Variants in SCFD2 observed in about 807,000 individuals in gnomAD.
SCFD2 encodes sec1 family domain containing 2.
In SCFD2, 54 loss-of-function variants were observed where a neutral mutation model predicts 58.9. The observed-to-expected ratio is 0.92, with a 90% CI of 0.74 to 1.15. SCFD2 has a LOEUF of 1.15. Ranked by LOEUF, SCFD2 falls within the 50% of genes most tolerant of loss-of-function variation. SCFD2 has a pLI of 0.00. For synonymous variants in SCFD2, 321 were observed against 335.9 expected (o/e 0.96, Z 0.49); for missense variants, 805 against 836.6 (o/e 0.96, Z 0.47).
chr4:53,057,335 A>G (rs1723373292), intron 5 of SCFD2, among the ~76,000 whole-genome samples: 1 of 152,230 alleles, frequency 6.6e-6, no homozygotes, highest in African/African-American at 2.4e-5. Context: ...AGCCATAAAA[A>G]GGAATGAGAT....
intron 5 of SCFD2, among the ~76,000 whole-genome samples, chr4:52,948,068 G>A (rs1470427734): frequency 6.6e-6 from 1 of 150,952 alleles, no homozygotes; most frequent in African/African-American, 2.4e-5. Flanking sequence ...TCAGGGAAGA[G>A]AGAATGACAC....
chr4:53,286,878 T>C lies in SCFD2; in HGVS notation c.1136-12877A>G, dbSNP rs551925358. ...ACTGCACTTGGCCTCACAGAGCCGA[T>C]GTCACTACCATGTCCCAGCATCCCA... On this transcript the variant is annotated intron_variant, in intron 3 of 8. Transcript: ENST00000401642. 2.6e-4 allele frequency among the ~76,000 whole-genome samples: 40 copies of C among 152,208 alleles called. 3 individuals carry two copies. In the South Asian group the frequency reaches 7.9e-3, roughly 30 times the overall value.
At chr4:52,901,364 C>T (rs1428916560) in intron 7 of SCFD2, among the ~76,000 whole-genome samples, 2 of 152,140 alleles carry the variant, frequency 1.3e-5, no homozygotes, top group African/African-American at 2.4e-5. Flanking sequence ...TTTTTGATGG[C>T]CCTGACAAAT....
intron 3 of SCFD2, among the ~76,000 whole-genome samples, chr4:53,285,116 G>A (rs1403603003): frequency 2.0e-5 from 3 of 152,146 alleles, no homozygotes; most frequent in Non-Finnish European, 1.5e-5. Context: ...TGCAGGATCC[G>A]GAGTCATGAA....
chr4:53,306,528 C>T (rs1577953861), intron 3 of SCFD2, among the ~76,000 whole-genome samples: 2 of 152,308 alleles, frequency 1.3e-5, no homozygotes, highest in East Asian at 3.9e-4. Context: ...ATTTCTGCCT[C>T]TTTCTATTGA....
rs543432018 is a variant in SCFD2 at position 53,343,168 on chromosome 4, G to C, written c.1007+9430C>G. ...CCCATCAAAAAAATCAACGAATCCAGGAGCTGGTTTTCTGAAAAGATCAAC... is the reference window on the plus strand; with the variant it reads ...CCCATCAAAAAAATCAACGAATCCACGAGCTGGTTTTCTGAAAAGATCAAC... On this transcript the variant is annotated intron_variant, in intron 2 of 8. Coordinates refer to ENST00000401642, the MANE Select transcript of SCFD2 (RefSeq NM_152540.4). Among the ~76,000 whole-genome samples the C allele has an allele frequency of 2.6e-4, 39 of 152,220 alleles. No individual in the cohort carries two copies. In the East Asian group the frequency reaches 7.3e-3, roughly 29 times the overall value.
At chr4:53,211,005 G>A (rs1488604387) in intron 4 of SCFD2, among the ~76,000 whole-genome samples, 3 of 151,970 alleles carry the variant, frequency 2.0e-5, no homozygotes, top group Admixed American at 2.0e-4. Context: ...AGCACTTTGG[G>A]AGGCTGAGTC....
intron 2 of SCFD2, among the ~76,000 whole-genome samples, chr4:53,346,080 C>T (rs1734049326): frequency 1.3e-5 from 2 of 151,560 alleles, no homozygotes; most frequent in African/African-American, 4.9e-5. Flanking sequence ...GCACGTGTAC[C>T]CTAGAACTCG....
intron 4 of SCFD2, among the ~76,000 whole-genome samples, chr4:53,158,394 A>G (rs1281736977): frequency 1.3e-5 from 2 of 152,154 alleles, no homozygotes; most frequent in Non-Finnish European, 2.9e-5. Context: ...AATTTGATTC[A>G]ATGTGTCTAA....
At chr4:53,188,296 C>T (rs1727793739) in intron 4 of SCFD2, among the ~76,000 whole-genome samples, 2 of 152,110 alleles carry the variant, frequency 1.3e-5, no homozygotes, top group South Asian at 4.1e-4. Context: ...TAACTCATTG[C>T]TTTCTGCAAA....
At chr4:52,941,243 C>T (rs1720285488) in intron 5 of SCFD2, among the ~76,000 whole-genome samples, 1 of 152,178 alleles carries the variant, frequency 6.6e-6, no homozygotes, top group Non-Finnish European at 1.5e-5. Context: ...GTGAACAAGA[C>T]AACATACATA....
intron 5 of SCFD2, among the ~76,000 whole-genome samples, chr4:52,937,564 G>A (rs1416073269): frequency 1.3e-5 from 2 of 152,148 alleles, no homozygotes; most frequent in Non-Finnish European, 2.9e-5. Flanking sequence ...CCGACAGTAA[G>A]AACATGATGA....
chr4:53,126,216 C>A (rs1560347077), intron 5 of SCFD2, among the ~76,000 whole-genome samples: 1 of 152,192 alleles, frequency 6.6e-6, no homozygotes, highest in Non-Finnish European at 1.5e-5. Flanking sequence ...ACCTTAGATG[C>A]ACAGTTGTTC....
intron 2 of SCFD2, among the ~76,000 whole-genome samples, chr4:53,320,706 T>C (rs989747476): frequency 2.6e-5 from 4 of 152,214 alleles, no homozygotes; most frequent in Admixed American, 2.6e-4. Context: ...TTTCCAAAGG[T>C]CAGCAAAAGA....
chr4:53,158,558 T>C (rs1560362462), intron 4 of SCFD2, among the ~76,000 whole-genome samples: 1 of 152,072 alleles, frequency 6.6e-6, no homozygotes, highest in African/African-American at 2.4e-5. Context: ...CAGCCAAGTC[T>C]TGATGATTTT....
At chr4:53,100,496 C>A (rs1374045597) in intron 5 of SCFD2, among the ~76,000 whole-genome samples, 2 of 152,124 alleles carry the variant, frequency 1.3e-5, no homozygotes, top group African/African-American at 2.4e-5. Context: ...CCATAAGAAC[C>A]ACTTCCTATC....
At chr4:53,245,431 T>C (rs947114175) in intron 4 of SCFD2, among the ~76,000 whole-genome samples, 3 of 152,268 alleles carry the variant, frequency 2.0e-5, no homozygotes, top group African/African-American at 7.2e-5. Context: ...ACTTTATCCA[T>C]GGAGTGCAAG....
intron 5 of SCFD2, among the ~76,000 whole-genome samples, chr4:53,011,395 A>G (rs796626119): frequency 5.9e-5 from 9 of 152,314 alleles, no homozygotes; most frequent in African/African-American, 1.9e-4. Context: ...ACAGTGACAG[A>G]GTTGACAGGA....
intron 5 of SCFD2, among the ~76,000 whole-genome samples, chr4:53,024,951 G>C (rs1345444594): frequency 2.6e-5 from 4 of 152,126 alleles, no homozygotes; most frequent in Admixed American, 2.6e-4. Flanking sequence ...TAGGCTCTGT[G>C]AGTATCCACT....
Sources: gnomAD v4.1 joint callset for allele counts (sites outside exome capture counted in the v4.1 genomes callset) on GRCh38, gnomAD v4.1.1 for gene constraint, MANE v1.5 for transcripts, NCBI Gene and HGNC (gene_info 2026-07-23, HGNC 2026-07-21) for gene names.